The following GPR39 variants were observed in gnomAD, a reference collection of about 807,000 sequenced individuals.
GPR39 encodes the protein G protein-coupled receptor 39, also known as zinc sensing receptor.
Under a neutral mutation model 18.4 loss-of-function variants are expected in GPR39, and 23 were observed. The ratio of observed to expected loss-of-function variants is 1.25; its 90% CI spans 0.90 to 1.77. The LOEUF is 1.77. Among genes scored for constraint, GPR39 ranks in the 40% most tolerant of loss-of-function variants. The pLI, the probability that GPR39 is intolerant of heterozygous loss-of-function variation, is 0.00. For missense variants in GPR39, 647 were observed against 602.4 expected, an observed-to-expected ratio of 1.07 and a Z score of -0.78; for synonymous variants, 280 against 257.9, an observed-to-expected ratio of 1.09 and a Z score of -0.82.
At chr2:132,513,802 C>T (rs1004646655) in intron 1 of GPR39, among the ~76,000 whole-genome samples, 3 of 152,144 alleles carry the variant, frequency 2.0e-5, no homozygotes, top group South Asian at 4.1e-4. Flanking sequence ...GCCTTGACAT[C>T]CTGAGGGTTA....
At chr2:132,640,094 C>G (rs762831770) in intron 1 of GPR39, among the ~76,000 whole-genome samples, 2 of 152,140 alleles carry the variant, frequency 1.3e-5, no homozygotes, top group African/African-American at 2.4e-5. Context: ...TCCTCTTGAT[C>G]TCCTGATCTC....
At chr2:132,534,979 T>G (rs1167824605) in intron 1 of GPR39, among the ~76,000 whole-genome samples, 4 of 138,490 alleles carry the variant, frequency 2.9e-5, no homozygotes, top group Non-Finnish European at 4.6e-5. Context: ...CCCTAAAACC[T>G]AAAGTATAAT....
intron 1 of GPR39, among the ~76,000 whole-genome samples, chr2:132,632,294 C>CT (rs1681664777): frequency 6.6e-6 from 1 of 152,116 alleles, no homozygotes; most frequent in South Asian, 2.1e-4. Flanking sequence ...TAGCTTCTCT[C>CT]TTAGCAACAG....
At chr2:132,524,444 T>C (rs557080381) in intron 1 of GPR39, among the ~76,000 whole-genome samples, 14 of 152,196 alleles carry the variant, frequency 9.2e-5, no homozygotes, top group Non-Finnish European at 1.9e-4. Flanking sequence ...CTTCCTCCCA[T>C]CTAGCTGTCT....
chr2:132,498,883 A>G (rs550114688), intron 1 of GPR39, among the ~76,000 whole-genome samples: 2 of 152,116 alleles, frequency 1.3e-5, no homozygotes, highest in African/African-American at 4.8e-5. Context: ...TTGTGTGTTC[A>G]TGTCTTTAGC....
intron 1 of GPR39, among the ~76,000 whole-genome samples, chr2:132,550,785 A>G (rs1225088646): frequency 6.6e-6 from 1 of 152,218 alleles, no homozygotes; most frequent in Non-Finnish European, 1.5e-5. Context: ...TGATTCATAC[A>G]TTAGTGATTA....
At chr2:132,583,797 A>C (rs1680673638) in intron 1 of GPR39, among the ~76,000 whole-genome samples, 2 of 151,234 alleles carry the variant, frequency 1.3e-5, no homozygotes, top group African/African-American at 4.9e-5. Context: ...GTTCCTTGTC[A>C]GGGACACTTC....
intron 1 of GPR39, among the ~76,000 whole-genome samples, chr2:132,499,499 GT>G (rs1382510147): frequency 6.6e-6 from 1 of 151,468 alleles, no homozygotes; most frequent in South Asian, 2.1e-4. Context: ...TAGATTTGTG[GT>G]TTTTTTTGTT....
chr2:132,511,623 G>A (rs775812186), intron 1 of GPR39, among the ~76,000 whole-genome samples: 1 of 152,308 alleles, frequency 6.6e-6, no homozygotes, highest in South Asian at 2.1e-4. Context: ...TCAGAGAAGT[G>A]TCATATTTGC....
At chr2:132,596,294 C>T (rs1352095773) in intron 1 of GPR39, among the ~76,000 whole-genome samples, 1 of 152,038 alleles carries the variant, frequency 6.6e-6, no homozygotes, top group Middle Eastern at 3.2e-3. Flanking sequence ...TTTCTCTCCT[C>T]TCAGTGGCCC....
At chr2:132,548,509 A>C (rs1679987058) in intron 1 of GPR39, among the ~76,000 whole-genome samples, 1 of 152,318 alleles carries the variant, frequency 6.6e-6, no homozygotes, top group Non-Finnish European at 1.5e-5. Context: ...AGACTTAGTG[A>C]ATAAGTATGT....
intron 1 of GPR39, among the ~76,000 whole-genome samples, chr2:132,501,055 T>G (rs1312526080): frequency 4.2e-4 from 1 of 2,392 alleles, no homozygotes; most frequent in Non-Finnish European, 7.2e-3. Context: ...ATCTTTTGTG[T>G]TTTTTTTTTT....
At chr2:132,503,494 CTG>C (rs1261817125) in intron 1 of GPR39, among the ~76,000 whole-genome samples, 2 of 152,192 alleles carry the variant, frequency 1.3e-5, no homozygotes, top group Non-Finnish European at 2.9e-5. Context: ...GAAGTGGACT[CTG>C]TGTGAGTCCT....
chr2:132,642,887 T>A (rs1262293227), intron 1 of GPR39, among the ~76,000 whole-genome samples: 1 of 145,578 alleles, frequency 6.9e-6, no homozygotes, highest in Non-Finnish European at 1.5e-5. Context: ...AGAAAAAAAA[T>A]GCAAAACTTT....
chr2:132,601,445 G>T (rs543313961), intron 1 of GPR39, among the ~76,000 whole-genome samples: 4 of 152,002 alleles, frequency 2.6e-5, no homozygotes, highest in South Asian at 4.2e-4. Flanking sequence ...AAAACATTAG[G>T]TATAGAAGAA....
intron 1 of GPR39, among the ~76,000 whole-genome samples, chr2:132,561,995 G>T (rs183838374): frequency 2.0e-5 from 3 of 152,030 alleles, no homozygotes; most frequent in African/African-American, 4.8e-5. Context: ...AAATACCCTC[G>T]CAGACACACT....
intron 1 of GPR39, among the ~76,000 whole-genome samples, chr2:132,443,175 T>A (rs1402404991): frequency 1.3e-5 from 2 of 152,234 alleles, no homozygotes; most frequent in Non-Finnish European, 2.9e-5. Context: ...AAACATTATA[T>A]TAAAACTATT....
At chr2:132,529,347 G>A (rs1316509052) in intron 1 of GPR39, among the ~76,000 whole-genome samples, 1 of 152,230 alleles carries the variant, frequency 6.6e-6, no homozygotes, top group Admixed American at 6.5e-5. Flanking sequence ...GGTAAACAAA[G>A]TGGCCAGGAA....
chr2:132,437,410 G>A lies in GPR39; in HGVS notation c.856+19512G>A, dbSNP rs1248091847. On this transcript the variant is annotated intron_variant, in intron 1 of 1. Coordinates refer to ENST00000329321, the MANE Select transcript of GPR39 (RefSeq NM_001508.3). Reference sequence around the variant, plus strand: ...TAGATGCTCCTGGGGAAGCATTTGAGAAGAGACATGCAGGGAGTGTGTGTG... The same window carrying A: ...TAGATGCTCCTGGGGAAGCATTTGAAAAGAGACATGCAGGGAGTGTGTGTG... Among the ~76,000 whole-genome samples the A allele has an allele frequency of 2.6e-5, 4 of 152,176 alleles. No individual in the cohort carries two copies. The East Asian group carries it at 7.7e-4, about 29-fold the overall frequency.
Sources: allele counts gnomAD v4.1 joint callset (sites outside exome capture counted in the v4.1 genomes callset), GRCh38; gene constraint gnomAD v4.1.1; transcripts MANE v1.5; gene names NCBI Gene and HGNC (gene_info 2026-07-23, HGNC 2026-07-21).